The following MCC variants were observed in gnomAD, a reference collection of about 807,000 sequenced individuals.
The protein encoded by MCC is colorectal mutant cancer protein.
Under a neutral mutation model 116.2 loss-of-function variants are expected in MCC, and 90 were observed. The observed-to-expected ratio is 0.77, with a 90% CI of 0.65 to 0.92. MCC has a LOEUF of 0.92. MCC is among the 40% of genes least tolerant of loss of function. The pLI, the probability that MCC is intolerant of heterozygous loss-of-function variation, is 0.00. For synonymous variants in MCC, 578 were observed against 510.5 expected (o/e 1.13, Z -1.78); for missense variants, 1,516 against 1,312.2 (o/e 1.16, Z -2.40).
At chr5:113,181,425 A>G (rs760485805) in intron 3 of MCC, among the ~76,000 whole-genome samples, 1 of 152,252 alleles carries the variant, frequency 6.6e-6, no homozygotes, top group Non-Finnish European at 1.5e-5. Context: ...AATATTTAGG[A>G]AAATAGAAGA....
chr5:113,179,371 G>A (rs1761497285), intron 3 of MCC, among the ~76,000 whole-genome samples: 1 of 152,186 alleles, frequency 6.6e-6, no homozygotes, highest in African/African-American at 2.4e-5. Context: ...CTTCTCAAAT[G>A]CTGTTAGGGG....
intron 11 of MCC, among the ~76,000 whole-genome samples, chr5:113,074,046 T>G (rs1431262848): frequency 6.6e-6 from 1 of 152,206 alleles, no homozygotes; most frequent in Non-Finnish European, 1.5e-5. Flanking sequence ...TCTCCCACCA[T>G]GCAGTTTGAG....
chr5:113,468,576 C>T (rs1244566837), intron 1 of MCC, among the ~76,000 whole-genome samples: 3 of 151,470 alleles, frequency 2.0e-5, no homozygotes, highest in Admixed American at 6.6e-5. Flanking sequence ...CTGCTGGATT[C>T]GGTTTGCCAG....
chr5:113,270,232 A>C (rs1020973474), intron 3 of MCC, among the ~76,000 whole-genome samples: 10 of 152,198 alleles, frequency 6.6e-5, no homozygotes, highest in Non-Finnish European at 1.2e-4. Context: ...GTGGTTAGGA[A>C]TGTAATAGTT....
At chr5:113,258,187 C>T (rs1765090782) in intron 3 of MCC, among the ~76,000 whole-genome samples, 1 of 152,124 alleles carries the variant, frequency 6.6e-6, no homozygotes, top group Non-Finnish European at 1.5e-5. Context: ...AACCAAAGTA[C>T]AATGCTTATA....
At chr5:113,028,839 A>G in intron 18 of MCC, 95 bp downstream of exon 18, 1 of 1,413,344 alleles carries the variant, frequency 7.1e-7, no homozygotes, top group Non-Finnish European at 9.6e-7. Flanking sequence ...AGAGTTAGGG[A>G]AATGTCCATC....
intron 6 of MCC, among the ~76,000 whole-genome samples, chr5:113,118,013 A>G (rs1050075758): frequency 2.6e-5 from 4 of 152,234 alleles, no homozygotes; most frequent in Non-Finnish European, 4.4e-5. Flanking sequence ...AAGGAAAGCC[A>G]TCTATAGAAA....
chr5:113,096,528 G>A (rs1285979758), intron 8 of MCC, among the ~76,000 whole-genome samples: 1 of 152,138 alleles, frequency 6.6e-6, no homozygotes, highest in Non-Finnish European at 1.5e-5. Context: ...GTCAAAGCAT[G>A]TAAATCAGCT....
intron 1 of MCC, among the ~76,000 whole-genome samples, chr5:113,397,175 TAAAC>T (rs1580329493): frequency 6.6e-6 from 1 of 152,132 alleles, no homozygotes; most frequent in Non-Finnish European, 1.5e-5. Flanking sequence ...CAACATTACC[TAAAC>T]AAACAAACAA....
chr5:113,098,567 T>C (rs1461356537), intron 8 of MCC, among the ~76,000 whole-genome samples: 3 of 152,212 alleles, frequency 2.0e-5, no homozygotes, highest in African/African-American at 7.2e-5. Context: ...AAATAAATGA[T>C]TGCCTCATTC....
intron 2 of MCC, among the ~76,000 whole-genome samples, chr5:113,353,691 T>C (rs1419837719): frequency 6.6e-6 from 1 of 152,190 alleles, no homozygotes; most frequent in Non-Finnish European, 1.5e-5. Flanking sequence ...AGTCTACACA[T>C]GGTTAGGCTC....
intron 5 of MCC, among the ~76,000 whole-genome samples, chr5:113,135,491 G>A (rs1428628054): frequency 6.7e-6 from 1 of 149,214 alleles, no homozygotes; most frequent in East Asian, 2.0e-4. Flanking sequence ...CCTGGGAGGT[G>A]GAGCTTGAAG....
rs372117470 is a variant in MCC, at chr5:113,181,401, T to C, written c.628-29979A>G. On this transcript the variant is annotated intron_variant, in intron 3 of 18. Coordinates refer to ENST00000408903, the MANE Select transcript of MCC (RefSeq NM_001085377.2). ...TTTGGCTAGGCTGTTTTATTGTTTA[T>C]AATCATAGAGGTAAATATTTAGGAA... Among the ~76,000 whole-genome samples the C allele has an allele frequency of 7.2e-5, 11 of 152,346 alleles. No individual in the cohort carries two copies. In the South Asian group the frequency reaches 2.1e-3, roughly 29 times the overall value.
At chr5:113,364,238 GAAAA>G (rs60976854) in intron 2 of MCC, among the ~76,000 whole-genome samples, 3 of 49,422 alleles carry the variant, frequency 6.1e-5, no homozygotes, top group Admixed American at 3.3e-4. Flanking sequence ...CTCAAAAACA[GAAAA>G]AAAAAAAAAA....
chr5:113,061,995 G>C (rs749744650), intron 14 of MCC, among the ~76,000 whole-genome samples: 1 of 152,238 alleles, frequency 6.6e-6, no homozygotes, highest in Non-Finnish European at 1.5e-5. Context: ...ACATAAAGCA[G>C]TCTAATTGCA....
chr5:113,474,952 G>T (rs1772198801), intron 1 of MCC, among the ~76,000 whole-genome samples: 1 of 152,078 alleles, frequency 6.6e-6, no homozygotes, highest in South Asian at 2.1e-4. Flanking sequence ...AGAATATTTT[G>T]TTAAGCTTCT....
chr5:113,326,620 G>A (rs1209320111), intron 3 of MCC, among the ~76,000 whole-genome samples: 2 of 152,172 alleles, frequency 1.3e-5, no homozygotes, highest in Admixed American at 6.5e-5. Context: ...GCGAATTTTG[G>A]AGGGGACATA....
chr5:113,360,949 T>G (rs1049185190), intron 2 of MCC, among the ~76,000 whole-genome samples: 2 of 152,196 alleles, frequency 1.3e-5, no homozygotes, highest in African/African-American at 4.8e-5. Flanking sequence ...GACATGCCCT[T>G]AGCTAGCCCA....
chr5:113,327,562 AT>A (rs33953082), intron 3 of MCC, among the ~76,000 whole-genome samples: 16,674 of 74,848 alleles, frequency 0.22, 1,339 homozygotes, highest in African/African-American at 0.25. Context: ...AAAAAAAAAA[AT>A]ATATATATAT....
Sources: gnomAD v4.1 joint callset for allele counts (sites outside exome capture counted in the v4.1 genomes callset) on GRCh38, gnomAD v4.1.1 for gene constraint, MANE v1.5 for transcripts, NCBI Gene and HGNC (gene_info 2026-07-23, HGNC 2026-07-21) for gene names.